Variants in HECTD4 observed in about 807,000 individuals in gnomAD.
The protein encoded by HECTD4 is probable E3 ubiquitin-protein ligase HECTD4.
In HECTD4, 114 loss-of-function variants were observed where a neutral mutation model predicts 471.5. The observed-to-expected ratio is 0.24, with a 90% confidence interval of 0.21 to 0.28. The LOEUF (loss-of-function observed/expected upper bound fraction) is 0.28, where lower values mean the gene tolerates loss of function less well. Ranked by LOEUF, HECTD4 falls within the 10% of genes least tolerant of loss-of-function variation. The pLI is 1.00. For synonymous variants in HECTD4, 2,012 were observed against 2,256.0 expected, an observed-to-expected ratio of 0.89 and a Z score of 3.07; for missense variants, 3,866 against 5,651.5, an observed-to-expected ratio of 0.68 and a Z score of 10.13.
In HECTD4 at chr12:112,167,931, G is replaced by A. The variant is rs1418045181; in HGVS notation, c.12209-14C>T. 5.6e-6 allele frequency: 9 copies of A among 1,604,930 alleles called. No homozygotes were observed. Among genetic ancestry groups the A allele is most frequent in the African/African-American group, 1.3e-5 (1 of 74,790 alleles). ...GGAAAGAGCCGCCTGTAGGACAGACGAGACACATGGGCACCTGGGGTGTCC... is the reference window on the plus strand; with the variant it reads ...GGAAAGAGCCGCCTGTAGGACAGACAAGACACATGGGCACCTGGGGTGTCC... On this transcript the variant is annotated splice_polypyrimidine_tract_variant and intron_variant, in intron 70 of 75. Coordinates refer to ENST00000682272, the MANE Select transcript of HECTD4 (RefSeq NM_001388303.1).
intron 62 of HECTD4, among the ~76,000 whole-genome samples, chr12:112,181,082 T>G (rs112890393): frequency 7.3e-5 from 11 of 151,244 alleles, no homozygotes; most frequent in African/African-American, 2.7e-4. Context: ...CAGCCTCCAC[T>G]GCTTGAACCC....
chr12:112,333,342 C>G (rs1407380342), intron 1 of HECTD4, among the ~76,000 whole-genome samples: 1 of 152,226 alleles, frequency 6.6e-6, no homozygotes, highest in East Asian at 1.9e-4. Flanking sequence ...TTTAATTTCT[C>G]CACATCTTTG....
chr12:112,255,589 G>A (rs562626177), intron 21 of HECTD4, among the ~76,000 whole-genome samples: 1 of 152,240 alleles, frequency 6.6e-6, no homozygotes, highest in East Asian at 1.9e-4. Context: ...AAGCCCATTT[G>A]CCCTCACACA....
At chr12:112,178,711 A>G (rs1396716202) in intron 64 of HECTD4, among the ~76,000 whole-genome samples, 1 of 152,224 alleles carries the variant, frequency 6.6e-6, no homozygotes, top group Non-Finnish European at 1.5e-5. Flanking sequence ...ATGTGCCTGT[A>G]GTCCCAGATA....
rs1424017581 is a variant in HECTD4 at position 112,258,576 on chromosome 12, G to A, written c.3048C>T (p.Thr1016=). The change falls in exon 20 of 76, where the codon ACC becomes ACT. Residue 1016 remains threonine (T), a synonymous_variant. Coordinates refer to ENST00000682272, the MANE Select transcript of HECTD4 (RefSeq NM_001388303.1). ...YTSQTALLLK[T]QCPVFAEVGC... ...CCACCTCAGCAAAAACCGGACACTG[G>A]GTTTTAAGCAGCAACGCCGTCTGAA... 6.2e-7 allele frequency: 1 copy of A among 1,603,208 alleles called. No homozygotes were observed. Among genetic ancestry groups the A allele is most frequent in the South Asian group, 1.1e-5 (1 of 89,482 alleles).
rs1457242044 is a variant in HECTD4, at chr12:112,184,757, C to T, written c.10209G>A (p.Gly3403=). ...TAHSRLLVIS[G]IPTHLDEGVV... is the part of the protein sequence containing the mutation. Reference sequence around the variant, plus strand: ...CGCCCTCGTCCAGGTGGGTGGGGATCCCGGAGATCACCAGCAAGCGGCTGT... The same window carrying T: ...CGCCCTCGTCCAGGTGGGTGGGGATTCCGGAGATCACCAGCAAGCGGCTGT... The change falls in exon 61 of 76, where the codon GGG becomes GGA. Residue 3403 remains glycine (G), a synonymous_variant. Coordinates refer to ENST00000682272, the MANE Select transcript of HECTD4 (RefSeq NM_001388303.1). The surrounding 1 kb of genome is among the most constrained non-coding windows in gnomAD (Gnocchi z 9.1). 3 of 1,611,492 alleles carry T rather than the reference C, an allele frequency of 1.9e-6. No homozygotes were observed. Among genetic ancestry groups the T allele is most frequent in the Non-Finnish European group, 2.5e-6 (3 of 1,178,226 alleles).
chr12:112,165,587 G>A (rs868822031), intron 72 of HECTD4, among the ~76,000 whole-genome samples: 11 of 152,120 alleles, frequency 7.2e-5, no homozygotes, highest in East Asian at 5.8e-4. Flanking sequence ...TCCTGACCTC[G>A]TGATCTGCCC....
At chr12:112,354,699 A>AAC (rs897304388) in intron 1 of HECTD4, among the ~76,000 whole-genome samples, 63 of 151,136 alleles carry the variant, frequency 4.2e-4, no homozygotes, top group Middle Eastern at 3.5e-3. Flanking sequence ...ACAAAACAAC[A>AAC]ACACACACAC....
chr12:112,246,591 C>T (rs112164336), intron 29 of HECTD4, among the ~76,000 whole-genome samples: 208 of 152,104 alleles, frequency 1.4e-3, no homozygotes, highest in Non-Finnish European at 2.6e-3. Flanking sequence ...GCCAAGATTG[C>T]GCCACTGCAC....
At chr12:112,273,619 A>C (rs2034463429) in intron 11 of HECTD4, 36 bp downstream of exon 11, 1 of 1,604,658 alleles carries the variant, frequency 6.2e-7, no homozygotes, top group East Asian at 2.2e-5. Context: ...ATTTCAGAGG[A>C]AAATCTTTTC....
At chr12:112,363,992 C>CAAAAA (rs1175386198) in intron 1 of HECTD4, among the ~76,000 whole-genome samples, 8 of 52,862 alleles carry the variant, frequency 1.5e-4, no homozygotes, top group South Asian at 8.3e-4. Flanking sequence ...ACTCAATCTC[C>CAAAAA]AAAAAAAAAA....
chr12:112,285,524 C>A (rs2034733080), intron 7 of HECTD4, among the ~76,000 whole-genome samples: 2 of 152,186 alleles, frequency 1.3e-5, no homozygotes. Flanking sequence ...CTCATGAAGT[C>A]ATTTATTCTT....
In HECTD4 at chr12:112,342,138, C is replaced by A. The variant is rs544957790; in HGVS notation, c.178-22396G>T. On this transcript the variant is annotated intron_variant, in intron 1 of 75. Transcript: ENST00000682272. ...TCTCACAAAAGGATTTATTGTTGAA[C>A]TATTGGTCCTATCCCATGATCAGAA... is the stretch of plus-strand genomic sequence containing the variant. Among the ~76,000 whole-genome samples, 75 of 152,278 alleles carry A rather than the reference C, an allele frequency of 4.9e-4. No homozygotes were observed. The South Asian group carries it at 0.015, about 30-fold the overall frequency.
Position 112,216,824 on chromosome 12 carries a change from TC to T in HECTD4, c.7333del (p.Glu2445ArgfsTer38). On this transcript the variant is annotated frameshift_variant, in exon 47 of 76. Coordinates refer to ENST00000682272, the MANE Select transcript of HECTD4 (RefSeq NM_001388303.1). LOFTEE classifies it high-confidence loss of function. ...ATTAGTCCAAGCCCCATCTCGCTTC[TC>T]TGCTTCTGTAGTGAAGCCAAAGGAA... Reference protein sequence around the residue: ...IVSFGFTTEAEKRDGAWTNPV... With the variant: ...IVSFGFTTEAXKRDGAWTNPV... 6.2e-7 allele frequency: 1 copy of T among 1,614,030 alleles called. No homozygotes were observed. The highest frequency in any genetic ancestry group is 8.5e-7 in the Non-Finnish European group (1 of 1,179,904).
chr12:112,320,060 C>T (rs561974553), intron 1 of HECTD4, among the ~76,000 whole-genome samples: 1 of 152,132 alleles, frequency 6.6e-6, no homozygotes, highest in African/African-American at 2.4e-5. Flanking sequence ...TAAAGCCAGG[C>T]GTGGTGGCTC....
At chr12:112,190,659 G>T in intron 60 of HECTD4, 127 bp downstream of exon 60, 1 of 733,610 alleles carries the variant, frequency 1.4e-6, no homozygotes, top group Non-Finnish European at 2.2e-6. Flanking sequence ...ACAGCAATCT[G>T]AAGGAGGCTG....
intron 29 of HECTD4, among the ~76,000 whole-genome samples, chr12:112,246,094 C>T (rs529272478): frequency 1.8e-4 from 27 of 150,718 alleles, no homozygotes; most frequent in Admixed American, 8.0e-4. Flanking sequence ...ATTGTGCCAC[C>T]GCACTCCAGC....
intron 1 of HECTD4, among the ~76,000 whole-genome samples, chr12:112,366,496 A>C (rs904954132): frequency 1.3e-5 from 2 of 152,198 alleles, no homozygotes; most frequent in East Asian, 3.9e-4. Flanking sequence ...CTCAGCCTGG[A>C]CAACAAAGTG....
chr12:112,353,601 G>A (rs536626289), intron 1 of HECTD4, among the ~76,000 whole-genome samples: 295 of 152,216 alleles, frequency 1.9e-3, no homozygotes, highest in South Asian at 3.7e-3. Context: ...AGAACAAGGA[G>A]GGTGGATCAC....
Sources: allele counts gnomAD v4.1 joint callset (sites outside exome capture counted in the v4.1 genomes callset), GRCh38; gene constraint gnomAD v4.1.1; non-coding constraint Gnocchi (gnomAD v3.1); transcripts MANE v1.5; gene names NCBI Gene and HGNC (gene_info 2026-07-23, HGNC 2026-07-21).